DCT: variants seen among roughly 807,000 people sequenced by gnomAD.
The protein encoded by DCT is L-dopachrome tautomerase.
In DCT, 47 loss-of-function variants were observed where a neutral mutation model predicts 53.0. The ratio of observed to expected loss-of-function variants is 0.89; its 90% CI spans 0.70 to 1.13. The LOEUF (loss-of-function observed/expected upper bound fraction) is 1.13. Among genes scored for constraint, DCT ranks in the 50% most tolerant of loss-of-function variants. The pLI is 0.00. For missense variants in DCT, 669 were observed against 637.4 expected, an observed-to-expected ratio of 1.05 and a Z score of -0.53; for synonymous variants, 244 against 237.0, an observed-to-expected ratio of 1.03 and a Z score of -0.27.
chr13:94,495,191 G>C, the DCT span, among the ~76,000 whole-genome samples: 13 of 152,234 alleles, frequency 8.5e-5, no homozygotes, highest in East Asian at 2.5e-3. Context: ...CTGCCTGCCA[G>C]GCTCAAGCCA....
chr13:94,549,395 G>T, the DCT span, among the ~76,000 whole-genome samples: 1 of 152,198 alleles, frequency 6.6e-6, no homozygotes, highest in East Asian at 1.9e-4. Flanking sequence ...TTCCGGCGCC[G>T]AGGGTGCCTC....
intron 1 of DCT, among the ~76,000 whole-genome samples, chr13:94,469,404 G>A (rs962160176): frequency 1.3e-5 from 2 of 152,136 alleles, no homozygotes; most frequent in African/African-American, 4.8e-5. Context: ...AATTAGAGTA[G>A]GCCCTAATCC....
the DCT span, among the ~76,000 whole-genome samples, chr13:94,531,755 C>T: frequency 2.0e-5 from 3 of 152,018 alleles, no homozygotes; most frequent in East Asian, 1.9e-4. Flanking sequence ...ACTAAAACAC[C>T]GAAAGCAATG....
the DCT span, among the ~76,000 whole-genome samples, chr13:94,492,722 A>G: frequency 6.6e-6 from 1 of 152,224 alleles, no homozygotes; most frequent in African/African-American, 2.4e-5. Flanking sequence ...AAAACTGAAG[A>G]ACACAAAGAT....
intron 6 of DCT, among the ~76,000 whole-genome samples, chr13:94,455,416 C>G (rs1426056134): frequency 2.1e-5 from 2 of 94,148 alleles, no homozygotes; most frequent in African/African-American, 9.0e-5. Context: ...AGAGAGATTC[C>G]TACTATCCTT....
chr13:94,520,992 C>A, the DCT span, among the ~76,000 whole-genome samples: 5 of 152,166 alleles, frequency 3.3e-5, no homozygotes, highest in Non-Finnish European at 5.9e-5. Flanking sequence ...TGGAGGCTGT[C>A]AATGAAGACA....
upstream of DCT, among the ~76,000 whole-genome samples, chr13:94,484,278 G>A (rs981847484): frequency 2.0e-5 from 3 of 152,190 alleles, no homozygotes; most frequent in South Asian, 2.1e-4. Context: ...GCAAGTCCGC[G>A]GGCAAGACAG....
At chr13:94,512,880 T>C in the DCT span, among the ~76,000 whole-genome samples, 36 of 152,204 alleles carry the variant, frequency 2.4e-4, no homozygotes, top group Non-Finnish European at 5.1e-4. Flanking sequence ...GAGATTAGTG[T>C]GGATCATTGT....
chr13:94,471,730 A>G (rs1459302801), intron 1 of DCT, among the ~76,000 whole-genome samples: 1 of 152,248 alleles, frequency 6.6e-6, no homozygotes, highest in Admixed American at 6.5e-5. Context: ...GTAGCTACCC[A>G]GATTAAAATT....
At chr13:94,491,225 G>T in the DCT span, among the ~76,000 whole-genome samples, 1 of 152,174 alleles carries the variant, frequency 6.6e-6, no homozygotes, top group Admixed American at 6.5e-5. Context: ...AGATCAAGGT[G>T]TCAGCAGAGC....
rs34332656 is a variant in DCT, at chr13:94,468,832, T to G, written c.509A>C (p.Asn170Thr). The stretch of plus-strand genomic sequence containing the variant: ...GTTGGCAAACTGCGGCTGGGTTCCA[T>G]TGGGCCCAAGCAGGCCCAGCCAGTG... The part of the protein sequence containing the change: ...TQHWLGLLGP[N>T]GTQPQFANCS... Residue 170 changes from asparagine to threonine, a missense_variant, in exon 2 of 8, where the codon AAT becomes ACT. By Grantham distance (65) the Asn-to-Thr change is moderately conservative (BLOSUM62 0). Coordinates refer to ENST00000377028, the MANE Select transcript of DCT (RefSeq NM_001922.5). 1.1e-5 allele frequency: 18 copies of G among 1,614,044 alleles called. No individual in the cohort carries two copies. The Admixed American group carries it at 2.2e-4, about 19-fold the overall frequency.
chr13:94,468,589 T>C (rs917537692), intron 2 of DCT, 157 bp downstream of exon 2: 16 of 685,872 alleles, frequency 2.3e-5, no homozygotes, highest in African/African-American at 2.2e-4. Context: ...TCCTTCTAAC[T>C]CCAGGCGGTA....
the DCT span, among the ~76,000 whole-genome samples, chr13:94,538,470 C>T: frequency 2.0e-5 from 3 of 152,160 alleles, no homozygotes; most frequent in African/African-American, 4.8e-5. Context: ...ATACACATAG[C>T]CCCAATACCT....
chr13:94,487,848 A>AG, the DCT span, among the ~76,000 whole-genome samples: 1 of 151,766 alleles, frequency 6.6e-6, no homozygotes, highest in South Asian at 2.1e-4. Context: ...TGTCCTGATA[A>AG]GAGTTTTGCT....
chr13:94,460,313 T>C, intron 5 of DCT, 87 bp from the exon 6 acceptor site: 1 of 1,273,064 alleles, frequency 7.9e-7, no homozygotes, highest in Non-Finnish European at 1.1e-6. Flanking sequence ...AATAGTTGTC[T>C]AATTTGAGAT....
At chr13:94,460,882 T>C (rs775250594) in intron 5 of DCT, among the ~76,000 whole-genome samples, 2 of 152,184 alleles carry the variant, frequency 1.3e-5, no homozygotes, top group Non-Finnish European at 2.9e-5. Flanking sequence ...GGTAGATAGA[T>C]TAAAGATCTT....
chr13:94,491,940 G>A, the DCT span, among the ~76,000 whole-genome samples: 1 of 152,160 alleles, frequency 6.6e-6, no homozygotes. Flanking sequence ...ATACTCTCAA[G>A]TGAGAAAATC....
At chr13:94,548,816 A>C in the DCT span, among the ~76,000 whole-genome samples, 2 of 152,168 alleles carry the variant, frequency 1.3e-5, no homozygotes, top group Admixed American at 1.3e-4. Context: ...GGTTCACAGC[A>C]ACTGTCTTAG....
upstream of DCT, among the ~76,000 whole-genome samples, chr13:94,480,373 C>G (rs1885389321): frequency 6.6e-6 from 1 of 152,166 alleles, no homozygotes; most frequent in African/African-American, 2.4e-5. Flanking sequence ...GGAGAATGGT[C>G]AGGTCAGCAA....
Sources: gnomAD v4.1 joint callset for allele counts (sites outside exome capture counted in the v4.1 genomes callset) on GRCh38, gnomAD v4.1.1 for gene constraint, MANE v1.5 for transcripts, NCBI Gene and HGNC (gene_info 2026-07-23, HGNC 2026-07-21) for gene names.